The following TBXT variants were observed in gnomAD, a reference collection of about 807,000 sequenced individuals.
The protein encoded by TBXT is T-box transcription factor T.
Under a neutral mutation model 41.1 loss-of-function variants are expected in TBXT, and 19 were observed. The observed-to-expected ratio is 0.46, with a 90% CI of 0.32 to 0.68. TBXT has a LOEUF of 0.68. Among genes scored for constraint, TBXT ranks in the 30% least tolerant of loss-of-function variants. The pLI, the probability that TBXT is intolerant of heterozygous loss-of-function variation, is 0.03. For missense variants in TBXT, 536 were observed against 582.0 expected (o/e 0.92, Z 0.81); for synonymous variants, 213 against 238.9 (o/e 0.89, Z 1.00).
At chr6:166,164,911 G>T (rs912369841) in intron 3 of TBXT, 50 bp from the exon 4 acceptor site, 41 of 1,495,228 alleles carry the variant, frequency 2.7e-5, no homozygotes, top group Non-Finnish European at 3.6e-5. Flanking sequence ...TTAGCCAGGG[G>T]ATTTAATTTG....
Position 166,158,103 on chromosome 6 carries a change from G to C in TBXT, c.*212C>G. 1 of 727,270 alleles carries C rather than the reference G, an allele frequency of 1.4e-6. No individual in the cohort carries two copies. The highest frequency in any genetic ancestry group is 2.3e-6 in the Non-Finnish European group (1 of 433,070). 45.1% of individuals were successfully genotyped at this position (727,270 alleles called of 1,614,324 possible). On this transcript the variant is annotated 3_prime_UTR_variant, in exon 8 of 8. Coordinates refer to ENST00000366876, the MANE Select transcript of TBXT (RefSeq NM_001366285.2). ...TTGGGTTCATCTGTAAGCCACCTGGGACAGCACCGCTACTGCAGGTGTGAG... is the reference window on the plus strand; with the variant it reads ...TTGGGTTCATCTGTAAGCCACCTGGCACAGCACCGCTACTGCAGGTGTGAG...
Position 166,165,785 on chromosome 6 carries a change from C to T in TBXT, c.527G>A (p.Gly176Glu), listed in dbSNP as rs1457936086. 6.2e-7 allele frequency: 1 copy of T among 1,614,188 alleles called. No individual in the cohort carries two copies. ...YEPRIHIVRVGGPQRMITSHC... is the reference protein window; with the variant it reads ...YEPRIHIVRVEGPQRMITSHC... Reference sequence around the variant, plus strand: ...GCTGGTGATCATGCGCTGTGGACCCCCAACTCTCACTATGTGGATTCGAGG... The same window carrying T: ...GCTGGTGATCATGCGCTGTGGACCCTCAACTCTCACTATGTGGATTCGAGG... Residue 176 changes from glycine (G) to glutamate (E), a missense_variant, in exon 3 of 8, where the codon GGG (glycine) becomes GAG (glutamate). Transcript: ENST00000366876.
rs374161450 is a variant in TBXT at position 166,167,375 on chromosome 6, C to A, written c.206+11G>T. The A allele has an allele frequency of 2.8e-5, 45 of 1,612,022 alleles. No homozygotes were observed. The highest frequency in any genetic ancestry group is 3.5e-5 in the Non-Finnish European group (41 of 1,179,832). ...GAGCGCGGCGCGCGCGGGCTCCGGACGCGCACCCACCTGCCGTTCTTGGTC... is the reference window on the plus strand; with the variant it reads ...GAGCGCGGCGCGCGCGGGCTCCGGAAGCGCACCCACCTGCCGTTCTTGGTC... On this transcript the variant is annotated intron_variant, in intron 1 of 7. Transcript: ENST00000366876.
Position 166,166,854 on chromosome 6 carries a change from C to T in TBXT, c.209G>A (p.Arg70Lys), listed in dbSNP as rs1779133673. The change falls in exon 2 of 8, where the codon AGG (arginine) becomes AAG (lysine). Residue 70 changes from arginine (R) to lysine (K), a missense_variant and splice_region_variant. Arg to Lys is a conservative substitution (Grantham distance 26, BLOSUM62 2). Coordinates refer to ENST00000366876, the MANE Select transcript of TBXT (RefSeq NM_001366285.2). ...GTTCACCTTCAGCACCGGAAACATCCTCCTGGAAAACACGGGGCGGGCGCA... is the reference window on the plus strand; with the variant it reads ...GTTCACCTTCAGCACCGGAAACATCTTCCTGGAAAACACGGGGCGGGCGCA... ...NEMIVTKNGR[R>K]MFPVLKVNVS... 5 of 1,613,614 alleles carry T rather than the reference C, an allele frequency of 3.1e-6. No individual in the cohort carries two copies. In the African/African-American group the frequency reaches 6.7e-5, roughly 22 times the overall value.
chr6:166,159,217 G>T (rs980284789), intron 7 of TBXT, among the ~76,000 whole-genome samples: 1 of 152,186 alleles, frequency 6.6e-6, no homozygotes, highest in Non-Finnish European at 1.5e-5. Flanking sequence ...CAGTAGTTTT[G>T]CACTCTCATT....
intron 6 of TBXT, 81 bp downstream of exon 6, chr6:166,162,366 C>G: frequency 6.6e-7 from 1 of 1,524,858 alleles, no homozygotes; most frequent in Non-Finnish European, 9.1e-7. Context: ...TTTTTAGATT[C>G]TAGACTCCTG....
rs113534639 is a variant in TBXT, at chr6:166,162,265, A to G, written c.907+182T>C. Among the ~76,000 whole-genome samples, 47 of 152,374 alleles carry G rather than the reference A, an allele frequency of 3.1e-4. No homozygotes were observed. In the East Asian group the frequency reaches 5.6e-3, roughly 18 times the overall value. On this transcript the variant is annotated intron_variant, in intron 6 of 7. Transcript: ENST00000366876. ...GGGTGTCCGTGGTTGTTCCGCCAGC[A>G]GCGGCAGTGGCGGAGACATAAATTG...
At chr6:166,162,177 T>C (rs1183485988) in intron 6 of TBXT, among the ~76,000 whole-genome samples, 2 of 152,224 alleles carry the variant, frequency 1.3e-5, no homozygotes, top group African/African-American at 4.8e-5. Context: ...CCCAGGAATC[T>C]GTCATTTTCA....
chr6:166,162,359 T>G (rs1277509281), intron 6 of TBXT, 88 bp downstream of exon 6: 1 of 1,486,790 alleles, frequency 6.7e-7, no homozygotes, highest in Non-Finnish European at 9.3e-7. Context: ...CTCCATTTTT[T>G]TAGATTCTAG....
chr6:166,167,232 T>C (rs1562390368), intron 1 of TBXT, among the ~76,000 whole-genome samples, 154 bp downstream of exon 1: 1 of 152,318 alleles, frequency 6.6e-6, no homozygotes, highest in South Asian at 2.1e-4. Context: ...GAGGGGCTTG[T>C]AGAAATGCAC....
chr6:166,164,469 T>C, intron 5 of TBXT, 136 bp downstream of exon 5: 1 of 1,023,110 alleles, frequency 9.8e-7, no homozygotes, highest in Non-Finnish European at 1.5e-6. Context: ...GCCAAGAGCC[T>C]CGCATGGCAA....
In TBXT at chr6:166,160,743, G is replaced by A. The variant is rs1221571008; in HGVS notation, c.1037+94C>T. 15 of 1,562,700 alleles carry A rather than the reference G, an allele frequency of 9.6e-6. No individual in the cohort carries two copies. The East Asian group carries it at 2.9e-4, about 31-fold the overall frequency. ...CCCAACCACCCACAGGGACCAAGGAGAATAAGGACTAAGGGCCTATGGGAA... is the reference window on the plus strand; with the variant it reads ...CCCAACCACCCACAGGGACCAAGGAAAATAAGGACTAAGGGCCTATGGGAA... On this transcript the variant is annotated intron_variant, in intron 7 of 7. Transcript: ENST00000366876.
intron 3 of TBXT, 82 bp downstream of exon 3, chr6:166,165,624 T>C: frequency 6.2e-7 from 1 of 1,608,342 alleles, no homozygotes. Context: ...TTAGCGCGTC[T>C]CCCCGCTCCT....
intron 5 of TBXT, among the ~76,000 whole-genome samples, chr6:166,163,674 G>A (rs1035227095): frequency 6.6e-6 from 1 of 152,168 alleles, no homozygotes; most frequent in Admixed American, 6.5e-5. Flanking sequence ...GTGAGCCACC[G>A]TGCCCGTCCT....
chr6:166,168,205 C>T (rs1206356090), upstream of TBXT: 2 of 149,392 alleles, frequency 1.3e-5, no homozygotes, highest in African/African-American at 2.6e-5. Context: ...CCAGCCCGCA[C>T]TTCCGCGAGG....
chr6:166,161,474 A>C (rs1169626757), intron 6 of TBXT, among the ~76,000 whole-genome samples: 1 of 152,204 alleles, frequency 6.6e-6, no homozygotes, highest in African/African-American at 2.4e-5. Flanking sequence ...TAATTGTTTT[A>C]TGGTATTCTT....
At chr6:166,163,455 C>T (rs560251278) in intron 5 of TBXT, among the ~76,000 whole-genome samples, 1 of 152,292 alleles carries the variant, frequency 6.6e-6, no homozygotes, top group African/African-American at 2.4e-5. Context: ...GTGATCTTGG[C>T]TTATTGCAAT....
intron 1 of TBXT, 113 bp from the exon 2 acceptor site, chr6:166,166,969 G>A: frequency 5.1e-6 from 8 of 1,559,230 alleles, no homozygotes; most frequent in Non-Finnish European, 7.0e-6. Context: ...GCCCCCTGGG[G>A]AACGTCCGAG....
intron 1 of TBXT, 25 bp downstream of exon 1, chr6:166,167,361 G>A (rs1779152865): frequency 2.5e-6 from 4 of 1,611,008 alleles, no homozygotes; most frequent in East Asian, 4.5e-5. Flanking sequence ...AGCGCGGCGC[G>A]CGCGGGCTCC....
Sources: allele counts gnomAD v4.1 joint callset (sites outside exome capture counted in the v4.1 genomes callset), GRCh38; gene constraint gnomAD v4.1.1; transcripts MANE v1.5; gene names NCBI Gene and HGNC (gene_info 2026-07-23, HGNC 2026-07-21).